The following ZNF8 variants were observed in gnomAD, a reference collection of about 807,000 sequenced individuals.
ZNF8 encodes zinc finger protein 8.
Under a neutral mutation model 12.2 loss-of-function variants are expected in ZNF8, and 9 were observed. The ratio of observed to expected loss-of-function variants is 0.73; its 90% CI spans 0.44 to 1.28. The LOEUF (loss-of-function observed/expected upper bound fraction) is 1.28, where lower values mean the gene tolerates loss of function less well. Among genes scored for constraint, ZNF8 ranks in the 50% most tolerant of loss-of-function variants. The pLI, the probability that ZNF8 is intolerant of heterozygous loss-of-function variation, is 0.00. For synonymous variants in ZNF8, 274 were observed against 282.3 expected (o/e 0.97, Z 0.30); for missense variants, 664 against 729.1 (o/e 0.91, Z 1.03).
intron 3 of ZNF8, among the ~76,000 whole-genome samples, chr19:58,287,414 C>T (rs2051390464): frequency 6.7e-6 from 1 of 149,818 alleles, no homozygotes. Context: ...CTCAGTGCAG[C>T]CTCAGCCTTC....
Position 58,295,716 on chromosome 19 carries a change from C to A in ZNF8, c.*180C>A. ...GTCCCAAATCTATCAAACTCAGTGC[C>A]CTCTTTAGCGACATATTTTGTGACA... On this transcript the variant is annotated 3_prime_UTR_variant, in exon 4 of 4. Coordinates refer to ENST00000621650, the MANE Select transcript of ZNF8 (RefSeq NM_021089.3). 3.4e-6 allele frequency: 2 copies of A among 580,208 alleles called. No individual in the cohort carries two copies. The highest frequency in any genetic ancestry group is 4.8e-5 in the South Asian group (2 of 41,596). 35.9% of individuals were successfully genotyped at this position (580,208 alleles called of 1,614,324 possible).
chr19:58,292,090 CTTTATCAAGATAAAA>C (rs2051423011), intron 3 of ZNF8, among the ~76,000 whole-genome samples: 1 of 152,104 alleles, frequency 6.6e-6, no homozygotes, highest in Non-Finnish European at 1.5e-5. Context: ...TGCATAATAG[CTTTATCAAGATAAAA>C]TTGACATACC....
At chr19:58,292,338 C>T (rs11668993) in intron 3 of ZNF8, among the ~76,000 whole-genome samples, 20,321 of 152,102 alleles carry the variant, frequency 0.13, 1,855 homozygotes, top group Middle Eastern at 0.24. Context: ...CTGATTCGGG[C>T]CCTGGTAAGG....
rs572606654 is a variant in ZNF8 at position 58,302,517 on chromosome 19, CAT to C, written c.*6982_*6983del. On this transcript the variant is annotated 3_prime_UTR_variant, in exon 4 of 4. Coordinates refer to ENST00000621650, the MANE Select transcript of ZNF8 (RefSeq NM_021089.3). ...GGAATCCCTTCTAGTTGTCTTGTAA[CAT>C]GTGCTTACTCTATTTTGAGGATTTT... 62 of 152,314 alleles carry C rather than the reference CAT, an allele frequency of 4.1e-4. No individual in the cohort carries two copies. The East Asian group carries it at 0.01, about 25-fold the overall frequency. 9.4% of individuals were successfully genotyped at this position (152,314 alleles called of 1,614,324 possible). A position where few individuals can be genotyped will look rare whatever the true frequency, so the allele number is the denominator to read the frequency against.
chr19:58,283,842 G>A (rs763207156), intron 1 of ZNF8, among the ~76,000 whole-genome samples: 185 of 151,516 alleles, frequency 1.2e-3, no homozygotes, highest in Non-Finnish European at 2.2e-3. Flanking sequence ...CTCGTGATCT[G>A]CCCGCCTCGG....
chr19:58,300,737 G>A lies in ZNF8; in HGVS notation c.*5201G>A, dbSNP rs1369380809. 2 of 152,152 alleles carry A rather than the reference G, an allele frequency of 1.3e-5. No individual in the cohort carries two copies. Among genetic ancestry groups the A allele is most frequent in the African/African-American group, 4.8e-5 (2 of 41,384 alleles). The allele number at this position is 152,152 out of a possible 1,614,324, so 9.4% of individuals were successfully genotyped here. ...CTGCTTTTCTCCTTCAAGCTCTTGG[G>A]AGAATCGCTTGTGCTCCCTATTCCC... On this transcript the variant is annotated 3_prime_UTR_variant, in exon 4 of 4. Transcript: ENST00000621650.
At chr19:58,283,092 A>C (rs1329818551) in intron 1 of ZNF8, among the ~76,000 whole-genome samples, 1 of 143,146 alleles carries the variant, frequency 7.0e-6, no homozygotes, top group Non-Finnish European at 1.5e-5. Context: ...CTCCTCCTAC[A>C]TCAGCCTCCC....
chr19:58,290,335 C>G (rs911508060), intron 3 of ZNF8, among the ~76,000 whole-genome samples: 14 of 150,804 alleles, frequency 9.3e-5, no homozygotes, highest in African/African-American at 3.4e-4. Flanking sequence ...AGGATGGTCT[C>G]TATCTCCTGA....
Position 58,298,471 on chromosome 19 carries a change from T to G in ZNF8, c.*2935T>G, listed in dbSNP as rs2147963511. On this transcript the variant is annotated 3_prime_UTR_variant, in exon 4 of 4. Transcript: ENST00000621650. The stretch of plus-strand genomic sequence containing the variant: ...CTCTAAGTAGCTGGGATGACAGGTG[T>G]GCGCTACCACACCCGGCTAATTTTT... 1 of 152,236 alleles carries G rather than the reference T, an allele frequency of 6.6e-6. No homozygotes were observed. The highest frequency in any genetic ancestry group is 2.4e-5 in the African/African-American group (1 of 41,510). The allele number at this position is 152,236 out of a possible 1,614,324, so 9.4% of individuals were successfully genotyped here. A position where few individuals can be genotyped will look rare whatever the true frequency, so the allele number is the denominator to read the frequency against.
intron 3 of ZNF8, among the ~76,000 whole-genome samples, chr19:58,288,678 C>G (rs2051399332): frequency 6.6e-6 from 1 of 152,178 alleles, no homozygotes; most frequent in Non-Finnish European, 1.5e-5. Context: ...TAAATAGCAT[C>G]TGGCCATGGG....
chr19:58,294,383 C>A lies in ZNF8; in HGVS notation c.575C>A (p.Pro192Gln). The A allele has an allele frequency of 6.2e-7, 1 of 1,614,114 alleles. No individual in the cohort carries two copies. Among genetic ancestry groups the A allele is most frequent in the Non-Finnish European group, 8.5e-7 (1 of 1,180,026 alleles). ...CVLSSSPNPFPEISRGEYLYT... is the reference protein window; with the variant it reads ...CVLSSSPNPFQEISRGEYLYT... ...CTGAGTTCAAGCCCAAATCCATTCC[C>A]AGAGATCTCTAGAGGGGAGTATTTG... is the stretch of plus-strand genomic sequence containing the variant. Residue 192 changes from proline to glutamine, a missense_variant, in exon 4 of 4, where the codon CCA becomes CAA. Physicochemically the swap from Pro to Gln is moderately conservative, Grantham distance 76. Around this residue, in one of 3 missense-constraint regions of ZNF8, gnomAD observed 306 missense variants for 308.7 expected, o/e 0.99. Coordinates refer to ENST00000621650, the MANE Select transcript of ZNF8 (RefSeq NM_021089.3). The surrounding 1 kb of genome is among the most constrained non-coding windows in gnomAD (Gnocchi z 5.5).
At chr19:58,286,044 G>C in intron 2 of ZNF8, 66 bp from the exon 3 acceptor site, 1 of 1,542,060 alleles carries the variant, frequency 6.5e-7, no homozygotes, top group Non-Finnish European at 8.9e-7. Flanking sequence ...AGTCTGGTCT[G>C]GAGCCTGGGC....
rs2051449276 is a variant in ZNF8 at position 58,295,544 on chromosome 19, AC to A, written c.*9del. ...ATCAGAGAATCCACATAGGAGAGAA[AC>A]TTTGCTGATGACTTTTAACCACAAG... is the stretch of plus-strand genomic sequence containing the variant. On this transcript the variant is annotated 3_prime_UTR_variant, in exon 4 of 4. Coordinates refer to ENST00000621650, the MANE Select transcript of ZNF8 (RefSeq NM_021089.3). 1 of 1,579,216 alleles carries A rather than the reference AC, an allele frequency of 6.3e-7. No homozygotes were observed. The highest frequency in any genetic ancestry group is 8.6e-7 in the Non-Finnish European group (1 of 1,162,158).
chr19:58,294,665 T>C lies in ZNF8; in HGVS notation c.857T>C (p.Met286Thr). ...ATTCATACGGGAGAAAGACCTTATA[T>C]GTGCAAGGAGTGTGGGAAAGCCTTC... Reference protein sequence around the residue: ...KRIHTGERPYMCKECGKAFSQ... With the variant: ...KRIHTGERPYTCKECGKAFSQ... The change falls in exon 4 of 4, where the codon ATG (methionine) becomes ACG (threonine). Residue 286 changes from methionine (M) to threonine (T), a missense_variant. Around this residue, in one of 3 missense-constraint regions of ZNF8, gnomAD observed 133 missense variants for 198.4 expected, o/e 0.67. Coordinates refer to ENST00000621650, the MANE Select transcript of ZNF8 (RefSeq NM_021089.3). This position sits in a 1 kb window ranked among gnomAD's most constrained non-coding sequence, Gnocchi z 5.5. 1 of 1,614,178 alleles carries C rather than the reference T, an allele frequency of 6.2e-7. No individual in the cohort carries two copies. Among genetic ancestry groups the C allele is most frequent in the South Asian group, 1.1e-5 (1 of 91,086 alleles).
At chr19:58,284,523 GT>G (rs1249949890) in intron 1 of ZNF8, among the ~76,000 whole-genome samples, 1 of 152,198 alleles carries the variant, frequency 6.6e-6, no homozygotes, top group Non-Finnish European at 1.5e-5. Flanking sequence ...CACATTTTAG[GT>G]AATGTTGCAT....
Position 58,295,640 on chromosome 19 carries a change from A to G in ZNF8, c.*104A>G. ...GCTGGGGGTAGAAATGTCATGGGTG[A>G]CTTCTGACTTTCTAAGGAAATGATG... is the stretch of plus-strand genomic sequence containing the variant. On this transcript the variant is annotated 3_prime_UTR_variant, in exon 4 of 4. Coordinates refer to ENST00000621650, the MANE Select transcript of ZNF8 (RefSeq NM_021089.3). The G allele has an allele frequency of 2.0e-6, 2 of 1,019,554 alleles. No homozygotes were observed. The highest frequency in any genetic ancestry group is 3.3e-5 in the South Asian group (2 of 60,644). The allele number at this position is 1,019,554 out of a possible 1,614,324, so 63.2% of individuals were successfully genotyped here. A position where few individuals can be genotyped will look rare whatever the true frequency, so the allele number is the denominator to read the frequency against.
chr19:58,286,337 A>G, intron 3 of ZNF8, 132 bp downstream of exon 3: 2 of 690,842 alleles, frequency 2.9e-6, no homozygotes, highest in Non-Finnish European at 4.9e-6. Flanking sequence ...AGGACTCAGC[A>G]TAGAGTCATG....
At chr19:58,287,860 T>C (rs1180867457) in intron 3 of ZNF8, among the ~76,000 whole-genome samples, 12 of 132,088 alleles carry the variant, frequency 9.1e-5, no homozygotes, top group South Asian at 2.4e-4. Flanking sequence ...TTTCTTTCTT[T>C]CTTCCTTTTT....
chr19:58,279,446 C>T (rs2051331014), intron 1 of ZNF8: 1 of 1,452,714 alleles, frequency 6.9e-7, no homozygotes. Context: ...CGTTCTGCTC[C>T]GCCCCGCCGA....
Sources: allele counts gnomAD v4.1 joint callset (sites outside exome capture counted in the v4.1 genomes callset), GRCh38; gene constraint gnomAD v4.1.1; regional missense constraint gnomAD v4.1.1; non-coding constraint Gnocchi (gnomAD v3.1); transcripts MANE v1.5; gene names NCBI Gene and HGNC (gene_info 2026-07-23, HGNC 2026-07-21).